The following STT3B variants were observed in gnomAD, a reference collection of about 807,000 sequenced individuals.
The protein encoded by STT3B is dolichyl-diphosphooligosaccharide--protein glycosyltransferase subunit STT3B.
STT3B carries 29 observed loss-of-function variants against 96.8 expected under a neutral mutation model. The observed-to-expected ratio is 0.30, with a 90% confidence interval of 0.22 to 0.41. The LOEUF (loss-of-function observed/expected upper bound fraction) is 0.41. Among genes scored for constraint, STT3B ranks in the 10% least tolerant of loss-of-function variants. STT3B has a pLI of 1.00. For missense variants in STT3B, 640 were observed against 1,022.3 expected (o/e 0.63, Z 5.10); for synonymous variants, 367 against 360.0 (o/e 1.02, Z -0.22).
chr3:31,579,701 T>G, intron 2 of STT3B, 108 bp from the exon 3 acceptor site: 2 of 899,476 alleles, frequency 2.2e-6, no homozygotes, highest in Non-Finnish European at 1.6e-6. Context: ...GAGATGTTGC[T>G]TTCAAACTTA....
In STT3B at chr3:31,624,807, C is replaced by A. The variant is rs907452860; in HGVS notation, c.1728-107C>A. 9.9e-6 allele frequency: 8 copies of A among 804,060 alleles called. No individual in the cohort carries two copies. In the Admixed American group the frequency reaches 1.3e-4, roughly 13 times the overall value. The allele number at this position is 804,060 out of a possible 1,614,324, so 49.8% of individuals were successfully genotyped here. On this transcript the variant is annotated intron_variant, in intron 11 of 15. Coordinates refer to ENST00000295770, the MANE Select transcript of STT3B (RefSeq NM_178862.3). ...GTAGAGGCTTTTACTTAATAACTAC[C>A]ATCCTTAAAATCTGAAAGTATTCAG...
At chr3:31,585,188 A>C (rs577450143) in intron 3 of STT3B, among the ~76,000 whole-genome samples, 9 of 152,152 alleles carry the variant, frequency 5.9e-5, no homozygotes, top group South Asian at 4.1e-4. Context: ...TTTTGGATAC[A>C]CTTTTGGATT....
At chr3:31,596,048 A>G (rs914761189) in intron 3 of STT3B, among the ~76,000 whole-genome samples, 2 of 152,234 alleles carry the variant, frequency 1.3e-5, no homozygotes, top group Non-Finnish European at 2.9e-5. Context: ...GGACTGAGTT[A>G]TAGTTTGTGT....
intron 1 of STT3B, among the ~76,000 whole-genome samples, chr3:31,562,661 G>T (rs1297319470): frequency 6.6e-6 from 1 of 152,188 alleles, no homozygotes; most frequent in African/African-American, 2.4e-5. Flanking sequence ...GCGGGGCATG[G>T]GTTTCCTGCC....
chr3:31,587,729 G>C (rs1231159813), intron 3 of STT3B, among the ~76,000 whole-genome samples: 2 of 152,022 alleles, frequency 1.3e-5, no homozygotes, highest in African/African-American at 4.8e-5. Context: ...ACATCTGTGT[G>C]CATTTTTATT....
chr3:31,623,860 G>A lies in STT3B; in HGVS notation c.1726G>A (p.Gly576Ser), dbSNP rs1559391072. 6.3e-7 allele frequency: 1 copy of A among 1,583,774 alleles called. No individual in the cohort carries two copies. The highest frequency in any genetic ancestry group is 8.6e-7 in the Non-Finnish European group (1 of 1,161,640). The stretch of plus-strand genomic sequence containing the variant: ...AGTCCTGGCCTCATACAATCATGAT[G>A]GGTAAGAAAATAACTCGGATACAAA... ...SVVLASYNHD[G>S]TRNILDDFRE... The change falls in exon 11 of 16, where the codon GGC becomes AGC. Residue 576 changes from glycine (G) to serine (S), a missense_variant and splice_region_variant. By Grantham distance (56) the Gly-to-Ser change is moderately conservative (BLOSUM62 0). This residue lies in a region of STT3B where 149 missense variants were observed against 250.2 expected (regional missense o/e 0.60). Coordinates refer to ENST00000295770, the MANE Select transcript of STT3B (RefSeq NM_178862.3).
At chr3:31,586,130 T>A (rs1482870955) in intron 3 of STT3B, among the ~76,000 whole-genome samples, 1 of 152,132 alleles carries the variant, frequency 6.6e-6, no homozygotes, top group African/African-American at 2.4e-5. Context: ...GTCACATTTT[T>A]AAATTTTACC....
chr3:31,547,680 CAGTT>C (rs762894561), intron 1 of STT3B, among the ~76,000 whole-genome samples: 1 of 152,336 alleles, frequency 6.6e-6, no homozygotes, highest in African/African-American at 2.4e-5. Context: ...AAGTACAACT[CAGTT>C]GGTTTAAACT....
intron 1 of STT3B, among the ~76,000 whole-genome samples, chr3:31,572,812 G>A (rs554527325): frequency 2.0e-5 from 3 of 152,142 alleles, no homozygotes; most frequent in South Asian, 4.1e-4. Context: ...AGCTGTGATC[G>A]CACCACTGCA....
intron 11 of STT3B, among the ~76,000 whole-genome samples, chr3:31,624,379 T>C (rs573913231): frequency 6.6e-6 from 1 of 152,344 alleles, no homozygotes; most frequent in East Asian, 1.9e-4. Flanking sequence ...TGCATAATCA[T>C]ATACATTAGT....
chr3:31,595,399 T>G (rs1698763597), intron 3 of STT3B, among the ~76,000 whole-genome samples: 1 of 152,214 alleles, frequency 6.6e-6, no homozygotes, highest in Non-Finnish European at 1.5e-5. Flanking sequence ...TTTTCTGTTT[T>G]GGCAGGTGGT....
intron 3 of STT3B, among the ~76,000 whole-genome samples, chr3:31,593,323 A>C (rs910284391): frequency 1.3e-5 from 2 of 151,888 alleles, no homozygotes; most frequent in Non-Finnish European, 2.9e-5. Context: ...TGCAAAGTCA[A>C]TCATATCGTT....
chr3:31,597,933 T>C (rs968673067), intron 4 of STT3B, among the ~76,000 whole-genome samples: 1 of 151,766 alleles, frequency 6.6e-6, no homozygotes, highest in Non-Finnish European at 1.5e-5. Flanking sequence ...CCTCCTGGGT[T>C]CAAGCTATTC....
intron 1 of STT3B, among the ~76,000 whole-genome samples, chr3:31,544,953 A>G (rs544308522): frequency 3.7e-4 from 56 of 152,194 alleles, no homozygotes; most frequent in African/African-American, 4.8e-4. Flanking sequence ...CGGGGGGGGA[A>G]CATTGCATAT....
intron 13 of STT3B, among the ~76,000 whole-genome samples, chr3:31,628,582 C>G (rs1699584906): frequency 6.6e-6 from 1 of 152,032 alleles, no homozygotes; most frequent in Non-Finnish European, 1.5e-5. Flanking sequence ...CATTTTTTAC[C>G]TAGAGTGCCA....
intron 3 of STT3B, among the ~76,000 whole-genome samples, chr3:31,580,399 G>A (rs998126978): frequency 1.3e-5 from 2 of 152,140 alleles, no homozygotes; most frequent in Non-Finnish European, 2.9e-5. Context: ...ACCCAGGAAA[G>A]TTGAAGCATG....
intron 5 of STT3B, among the ~76,000 whole-genome samples, chr3:31,613,082 G>T (rs1699220600): frequency 6.6e-6 from 1 of 152,170 alleles, no homozygotes; most frequent in Admixed American, 6.5e-5. Flanking sequence ...TAAGAGCTTA[G>T]TGAGTGTAGG....
At chr3:31,603,236 G>A (rs939219086) in intron 5 of STT3B, among the ~76,000 whole-genome samples, 1 of 152,048 alleles carries the variant, frequency 6.6e-6, no homozygotes, top group Non-Finnish European at 1.5e-5. Context: ...TGTCCTCTTT[G>A]AGTAGATTTT....
At chr3:31,558,133 A>G (rs1697769347) in intron 1 of STT3B, among the ~76,000 whole-genome samples, 1 of 152,164 alleles carries the variant, frequency 6.6e-6, no homozygotes, top group Non-Finnish European at 1.5e-5. Flanking sequence ...AAAGTGGGAC[A>G]GTTTAGCTTT....
Sources: allele counts gnomAD v4.1 joint callset (sites outside exome capture counted in the v4.1 genomes callset), GRCh38; gene constraint gnomAD v4.1.1; regional missense constraint gnomAD v4.1.1; transcripts MANE v1.5; gene names NCBI Gene and HGNC (gene_info 2026-07-23, HGNC 2026-07-21).